Variants in IGF2BP2 observed in about 807,000 individuals in gnomAD.
IGF2BP2 encodes insulin like growth factor 2 mRNA binding protein 2.
IGF2BP2 carries 17 observed loss-of-function variants against 75.8 expected under a neutral mutation model. The ratio of observed to expected loss-of-function variants is 0.22; its 90% CI spans 0.15 to 0.34. The LOEUF (loss-of-function observed/expected upper bound fraction) is 0.34, where lower values mean the gene tolerates loss of function less well. Among genes scored for constraint, IGF2BP2 ranks in the 10% least tolerant of loss-of-function variants. The probability of loss-of-function intolerance (pLI) is 1.00; values close to 1 mark genes in which losing one functional copy is unlikely to be tolerated. For synonymous variants in IGF2BP2, 288 were observed against 295.6 expected (o/e 0.97, Z 0.26); for missense variants, 516 against 772.4 (o/e 0.67, Z 3.93).
Position 185,644,593 on chromosome 3 carries a change from G to GGC in IGF2BP2, c.*937_*938insGC, listed in dbSNP as rs1553844891. 3.5e-5 allele frequency: 5 copies of GGC among 144,428 alleles called. No individual in the cohort carries two copies. The highest frequency in any genetic ancestry group is 5.2e-5 in the African/African-American group (2 of 38,362). The allele number at this position is 144,428 out of a possible 1,614,324, so 8.9% of individuals were successfully genotyped here. ...TACTCAGAGCACTGCTTTGCCTGGG[G>GGC]GGGGGGGGGTGCGTAGATACGGGAT... is the stretch of plus-strand genomic sequence containing the variant. On this transcript the variant is annotated 3_prime_UTR_variant, in exon 16 of 16. Transcript: ENST00000382199.
intron 10 of IGF2BP2, among the ~76,000 whole-genome samples, chr3:185,666,371 C>G (rs552026379): frequency 6.6e-6 from 1 of 152,188 alleles, no homozygotes; most frequent in Non-Finnish European, 1.5e-5. Flanking sequence ...TGGTGGCTCA[C>G]GCCTATAATC....
intron 2 of IGF2BP2, among the ~76,000 whole-genome samples, chr3:185,747,780 G>A (rs1052451056): frequency 6.6e-6 from 1 of 151,904 alleles, no homozygotes. Context: ...CCCAAACATG[G>A]TGATCAAAGG....
At position 185,645,317 on chromosome 3, in the gene IGF2BP2, G is replaced by A. The variant is rs1713323514; in HGVS notation, c.*214C>T. The A allele has an allele frequency of 8.9e-6, 5 of 563,606 alleles. No homozygotes were observed. The highest frequency in any genetic ancestry group is 4.7e-4 in the Middle Eastern group (1 of 2,130). The allele number at this position is 563,606 out of a possible 1,614,324, so 34.9% of individuals were successfully genotyped here. The stretch of plus-strand genomic sequence containing the variant: ...CCCTGGGGGGCGGGAGGCGGGGCTC[G>A]GTGGTTCTGGCAAACCTGGCTGACC... On this transcript the variant is annotated 3_prime_UTR_variant, in exon 16 of 16. Transcript: ENST00000382199. This position sits in a 1 kb window ranked among gnomAD's most constrained non-coding sequence, Gnocchi z 4.9.
At chr3:185,804,196 C>T (rs920512149) in intron 2 of IGF2BP2, among the ~76,000 whole-genome samples, 5 of 146,170 alleles carry the variant, frequency 3.4e-5, no homozygotes, top group Non-Finnish European at 4.4e-5. Context: ...GCAGAGGTTG[C>T]GGTGAGCCGA....
intron 2 of IGF2BP2, among the ~76,000 whole-genome samples, chr3:185,706,396 G>A (rs763291637): frequency 2.6e-5 from 4 of 152,070 alleles, no homozygotes; most frequent in Non-Finnish European, 5.9e-5. Flanking sequence ...AGTACCGAGT[G>A]AGACCCTCTC....
In IGF2BP2 at chr3:185,669,004, G is replaced by A. The variant is rs889198274; in HGVS notation, c.1200+3537C>T. ...CTATAACTGAGGGGCCAAAAATACAGAAAGCAACTTATCAGAGAGAACAAA... is the reference window on the plus strand; with the variant it reads ...CTATAACTGAGGGGCCAAAAATACAAAAAGCAACTTATCAGAGAGAACAAA... On this transcript the variant is annotated intron_variant, in intron 10 of 15. Coordinates refer to ENST00000382199, the MANE Select transcript of IGF2BP2 (RefSeq NM_006548.6). 2.0e-5 allele frequency among the ~76,000 whole-genome samples: 3 copies of A among 152,028 alleles called. No individual in the cohort carries two copies. The East Asian group carries it at 5.8e-4, about 29-fold the overall frequency.
At chr3:185,656,731 G>A (rs1715495777) in intron 12 of IGF2BP2, among the ~76,000 whole-genome samples, 1 of 152,242 alleles carries the variant, frequency 6.6e-6, no homozygotes, top group South Asian at 2.1e-4. Flanking sequence ...GGCAGGATGT[G>A]GGCCTGGAGC....
chr3:185,722,984 C>G (rs1021842527), intron 2 of IGF2BP2, among the ~76,000 whole-genome samples: 2 of 151,982 alleles, frequency 1.3e-5, no homozygotes, highest in Non-Finnish European at 2.9e-5. Flanking sequence ...TTGTTTTGTT[C>G]CCAAAGGGGT....
At chr3:185,710,637 G>A (rs1724670568) in intron 2 of IGF2BP2, among the ~76,000 whole-genome samples, 1 of 151,954 alleles carries the variant, frequency 6.6e-6, no homozygotes, top group Non-Finnish European at 1.5e-5. Flanking sequence ...GGAGGCTGAG[G>A]CACAAGAATC....
At chr3:185,804,304 C>T (rs568145753) in intron 2 of IGF2BP2, among the ~76,000 whole-genome samples, 3,605 of 148,780 alleles carry the variant, frequency 0.024, 48 homozygotes, top group Middle Eastern at 0.053. Flanking sequence ...TGGTGGTGCA[C>T]GCCTGTAATC....
At chr3:185,659,650 A>G (rs554772290) in intron 10 of IGF2BP2, among the ~76,000 whole-genome samples, 56 of 151,794 alleles carry the variant, frequency 3.7e-4, no homozygotes, top group African/African-American at 1.3e-3. Flanking sequence ...TGATATGATT[A>G]TAAGTGTGAG....
chr3:185,671,871 A>G (rs1384648799), intron 10 of IGF2BP2, among the ~76,000 whole-genome samples: 4 of 152,230 alleles, frequency 2.6e-5, no homozygotes, highest in Non-Finnish European at 4.4e-5. Flanking sequence ...CGTAGAGAAA[A>G]ATTAGGAATG....
chr3:185,685,102 C>A (rs1385076425), intron 7 of IGF2BP2, among the ~76,000 whole-genome samples: 5 of 152,138 alleles, frequency 3.3e-5, no homozygotes, highest in African/African-American at 1.2e-4. Flanking sequence ...AATCCCAGCA[C>A]ATTGGGAGGC....
chr3:185,759,712 C>T (rs1468229226), intron 2 of IGF2BP2, among the ~76,000 whole-genome samples: 1 of 152,222 alleles, frequency 6.6e-6, no homozygotes, highest in Non-Finnish European at 1.5e-5. Context: ...ACCCAGGCTT[C>T]CAATCTCTCA....
At chr3:185,651,040 C>G (rs1714510043) in intron 13 of IGF2BP2, among the ~76,000 whole-genome samples, 2 of 152,190 alleles carry the variant, frequency 1.3e-5, no homozygotes, top group South Asian at 2.1e-4. Context: ...TCCCAAGTAG[C>G]TGGGACTACA....
At chr3:185,777,646 C>G (rs1191334941) in intron 2 of IGF2BP2, among the ~76,000 whole-genome samples, 3 of 152,158 alleles carry the variant, frequency 2.0e-5, no homozygotes, top group African/African-American at 7.2e-5. Flanking sequence ...TTCAGTGAAT[C>G]AGTGAGTGAT....
chr3:185,784,954 G>T (rs1735668028), intron 2 of IGF2BP2, among the ~76,000 whole-genome samples: 1 of 152,144 alleles, frequency 6.6e-6, no homozygotes, highest in South Asian at 2.1e-4. Context: ...TTCTAAATCA[G>T]ACTTAATTTT....
intron 2 of IGF2BP2, among the ~76,000 whole-genome samples, chr3:185,729,183 C>T (rs1225174523): frequency 6.6e-6 from 1 of 151,970 alleles, no homozygotes; most frequent in Non-Finnish European, 1.5e-5. Flanking sequence ...GGAAAGTATG[C>T]AGAAAACACT....
intron 4 of IGF2BP2, among the ~76,000 whole-genome samples, chr3:185,693,562 T>C (rs1165345660): frequency 2.0e-5 from 3 of 152,222 alleles, no homozygotes; most frequent in African/African-American, 7.2e-5. Flanking sequence ...AACTCTATGA[T>C]TGGCTAATAA....
Sources: gnomAD v4.1 joint callset for allele counts (sites outside exome capture counted in the v4.1 genomes callset) on GRCh38, gnomAD v4.1.1 for gene constraint, Gnocchi (gnomAD v3.1) non-coding constraint, MANE v1.5 for transcripts, NCBI Gene and HGNC (gene_info 2026-07-23, HGNC 2026-07-21) for gene names.